FRMD6: variants seen among roughly 807,000 people sequenced by gnomAD.
FRMD6 encodes the protein FERM domain-containing protein 6.
Under a neutral mutation model 73.2 loss-of-function variants are expected in FRMD6, and 37 were observed. The observed-to-expected ratio is 0.51, with a 90% CI of 0.39 to 0.66. The LOEUF is 0.66. FRMD6 is among the 30% of genes least tolerant of loss of function. FRMD6 has a pLI of 0.00. For missense variants in FRMD6, 714 were observed against 780.5 expected (o/e 0.91, Z 1.02); for synonymous variants, 273 against 282.2 (o/e 0.97, Z 0.33).
At chr14:51,614,702 C>T (rs1181191648) in intron 2 of FRMD6, among the ~76,000 whole-genome samples, 1 of 152,128 alleles carries the variant, frequency 6.6e-6, no homozygotes, top group Admixed American at 6.5e-5. Flanking sequence ...TTCTGGATCT[C>T]AGGCAGAATT....
chr14:51,647,637 C>A (rs1892137477), upstream of FRMD6, among the ~76,000 whole-genome samples: 1 of 151,868 alleles, frequency 6.6e-6, no homozygotes. Context: ...CAGTAATTAC[C>A]AAAAAGAAAA....
chr14:51,727,731 C>T lies in FRMD6; in HGVS notation c.1585-14C>T. ...TTCACTTTAAAGTTGTTTCATCCTT[C>T]CCTTATCTTGCAGACTATATGTCGG... is the stretch of plus-strand genomic sequence containing the variant. On this transcript the variant is annotated splice_polypyrimidine_tract_variant and intron_variant, in intron 13 of 13. Coordinates refer to ENST00000344768, the MANE Select transcript of FRMD6 (RefSeq NM_001267046.2). The T allele has an allele frequency of 6.3e-7, 1 of 1,583,068 alleles. No individual in the cohort carries two copies. Among genetic ancestry groups the T allele is most frequent in the Admixed American group, 1.7e-5 (1 of 58,160 alleles).
intron 2 of FRMD6, among the ~76,000 whole-genome samples, chr14:51,616,357 A>C (rs922259914): frequency 6.6e-6 from 1 of 152,148 alleles, no homozygotes; most frequent in Non-Finnish European, 1.5e-5. Flanking sequence ...TGGGATTTTT[A>C]ACAGGTCCTG....
At chr14:51,556,871 G>C (rs1444306578) in intron 1 of FRMD6, among the ~76,000 whole-genome samples, 1 of 152,060 alleles carries the variant, frequency 6.6e-6, no homozygotes, top group Non-Finnish European at 1.5e-5. Flanking sequence ...TCCAAATCCA[G>C]ATCTAAATCT....
chr14:51,606,219 A>G (rs72673995), intron 2 of FRMD6, among the ~76,000 whole-genome samples: 10,913 of 152,196 alleles, frequency 0.072, 473 homozygotes, highest in South Asian at 0.1. Context: ...TCCATTCCAC[A>G]CAAATATCCT....
intron 1 of FRMD6, among the ~76,000 whole-genome samples, chr14:51,533,058 T>TG (rs1885680912): frequency 6.6e-6 from 1 of 152,226 alleles, no homozygotes; most frequent in Non-Finnish European, 1.5e-5. Context: ...CAACCAATAA[T>TG]GGTCTCTGCC....
chr14:51,547,041 G>A (rs1886512400), intron 1 of FRMD6, among the ~76,000 whole-genome samples: 1 of 152,022 alleles, frequency 6.6e-6, no homozygotes, highest in African/African-American at 2.4e-5. Flanking sequence ...AATGACCTTA[G>A]AAATTTTGAA....
chr14:51,708,019 G>A, intron 6 of FRMD6, 59 bp from the exon 7 acceptor site: 1 of 1,519,626 alleles, frequency 6.6e-7, no homozygotes, highest in Non-Finnish European at 9.1e-7. Flanking sequence ...TTGGGGGTGG[G>A]GGTAGAACTT....
intron 1 of FRMD6, among the ~76,000 whole-genome samples, chr14:51,688,596 A>G (rs751359180): frequency 7.2e-5 from 11 of 152,230 alleles, no homozygotes; most frequent in Non-Finnish European, 1.3e-4. Context: ...TCCACCTAGT[A>G]AAACAGTTCC....
At position 51,659,842 on chromosome 14, in the gene FRMD6, T is replaced by C. The variant is rs556990832; in HGVS notation, c.-147+7846T>C. On this transcript the variant is annotated intron_variant, in intron 1 of 13. Coordinates refer to ENST00000344768, the MANE Select transcript of FRMD6 (RefSeq NM_001267046.2). ...CCAACCCCTAACCATTGGCACAGTT[T>C]ATATAATGTGGGTCAGAACCATTTG... is the stretch of plus-strand genomic sequence containing the variant. Among the ~76,000 whole-genome samples the C allele has an allele frequency of 4.1e-4, 63 of 152,348 alleles. 2 individuals are homozygous for C. The South Asian group carries it at 0.013, about 32-fold the overall frequency.
intron 1 of FRMD6, among the ~76,000 whole-genome samples, chr14:51,675,343 A>G (rs956013492): frequency 4.6e-5 from 7 of 152,130 alleles, no homozygotes; most frequent in Non-Finnish European, 1.0e-4. Flanking sequence ...TCCTTAGAGC[A>G]CGTTGGCTAA....
chr14:51,500,033 A>G (rs1266170519), intron 1 of FRMD6, among the ~76,000 whole-genome samples: 2 of 152,214 alleles, frequency 1.3e-5, no homozygotes, highest in African/African-American at 4.8e-5. Flanking sequence ...CTCCTGCTAC[A>G]TCAAGACTTA....
intron 1 of FRMD6, among the ~76,000 whole-genome samples, chr14:51,655,686 C>G (rs1892772497): frequency 1.3e-5 from 2 of 152,104 alleles, no homozygotes; most frequent in Admixed American, 6.5e-5. Context: ...GTAGAGAGAA[C>G]TTACTGTTTA....
rs1271623205 is a variant in FRMD6, at chr14:51,586,918, A to T, written c.-147+16508A>T. Among the ~76,000 whole-genome samples the T allele has an allele frequency of 5.3e-5, 8 of 152,024 alleles. No individual in the cohort carries two copies. In the South Asian group the frequency reaches 1.2e-3, roughly 24 times the overall value. On this transcript the variant is annotated intron_variant, in intron 2 of 14. Transcript: ENST00000356218. ...ACCACCACACTCAGCTAATTTTTTA[A>T]AAAAAGTTTTTTAGAGACAGAGTCT...
chr14:51,662,330 G>A (rs66820903), intron 1 of FRMD6, among the ~76,000 whole-genome samples: 71,449 of 151,510 alleles, frequency 0.47, 17,833 homozygotes, highest in Non-Finnish European at 0.56. Flanking sequence ...CCAAAAAAAA[G>A]AGCTTGAATA....
intron 2 of FRMD6, among the ~76,000 whole-genome samples, chr14:51,583,857 A>AT (rs1372421591): frequency 1.3e-5 from 2 of 152,170 alleles, no homozygotes; most frequent in African/African-American, 4.8e-5. Flanking sequence ...AGAGGATGGA[A>AT]TTGGAGGTTT....
chr14:51,574,150 G>T (rs1888285821), intron 2 of FRMD6, among the ~76,000 whole-genome samples: 1 of 152,044 alleles, frequency 6.6e-6, no homozygotes, highest in African/African-American at 2.4e-5. Context: ...TGCCAGCCCT[G>T]CCCAGCCCTT....
chr14:51,551,130 A>G (rs1294403595), intron 1 of FRMD6, among the ~76,000 whole-genome samples: 4 of 152,130 alleles, frequency 2.6e-5, no homozygotes, highest in African/African-American at 9.7e-5. Context: ...TACCCAGCAC[A>G]TGTTTCAAGA....
At chr14:51,489,379 T>A (rs1882862876) in exon 1 of FRMD6, 1 of 152,638 alleles carries the variant, frequency 6.6e-6, no homozygotes, top group East Asian at 1.9e-4. Context: ...GTCTGCCCCA[T>A]TCTGAGAGCA....
Sources: gnomAD v4.1 joint callset for allele counts (sites outside exome capture counted in the v4.1 genomes callset) on GRCh38, gnomAD v4.1.1 for gene constraint, MANE v1.5 for transcripts, NCBI Gene and HGNC (gene_info 2026-07-23, HGNC 2026-07-21) for gene names.